The following CCDC7 variants were observed in gnomAD, a reference collection of about 807,000 sequenced individuals.
CCDC7 encodes coiled-coil domain containing 7, also known as coiled-coil domain-containing protein 7.
Under a neutral mutation model 196.9 loss-of-function variants are expected in CCDC7, and 183 were observed. That is an observed-to-expected ratio of 0.93 (90% confidence interval 0.82 to 1.05). The LOEUF is 1.05. Ranked by LOEUF, CCDC7 falls within the 50% of genes least tolerant of loss-of-function variation. The pLI, the probability that CCDC7 is intolerant of heterozygous loss-of-function variation, is 0.00. For missense variants in CCDC7, 1,540 were observed against 1,482.2 expected (o/e 1.04, Z -0.64); for synonymous variants, 525 against 484.6 (o/e 1.08, Z -1.10).
chr10:32,692,862 G>T (rs2077247029), intron 23 of CCDC7, among the ~76,000 whole-genome samples: 1 of 152,122 alleles, frequency 6.6e-6, no homozygotes, highest in African/African-American at 2.4e-5. Context: ...ATGGGATGGG[G>T]TTGTCTCATG....
exon 24 of CCDC7, chr10:32,694,975 G>A (rs779447340): frequency 6.3e-7 from 1 of 1,587,722 alleles, no homozygotes; most frequent in Non-Finnish European, 8.6e-7. Flanking sequence ...AAACTTCCTA[G>A]AGAGAAAAGA....
At chr10:32,489,918 G>T (rs2041889829) in intron 8 of CCDC7, among the ~76,000 whole-genome samples, 2 of 151,998 alleles carry the variant, frequency 1.3e-5, no homozygotes, top group South Asian at 4.2e-4. Flanking sequence ...TCCTGGGTTG[G>T]CACAACAGTG....
At chr10:32,535,455 T>C (rs960228888) in intron 11 of CCDC7, among the ~76,000 whole-genome samples, 2 of 152,136 alleles carry the variant, frequency 1.3e-5, no homozygotes, top group Non-Finnish European at 2.9e-5. Context: ...GAAGTATACA[T>C]TGGTTTCGTC....
At chr10:32,750,134 AAAT>A (rs1158516465) in intron 28 of CCDC7, among the ~76,000 whole-genome samples, 1 of 152,184 alleles carries the variant, frequency 6.6e-6, no homozygotes, top group Non-Finnish European at 1.5e-5. Context: ...TTTTAAGAAT[AAAT>A]AATTCTCTAA....
At chr10:32,543,137 C>A (rs986710342) in intron 11 of CCDC7, among the ~76,000 whole-genome samples, 163 bp from the exon 13 acceptor site, 2 of 152,120 alleles carry the variant, frequency 1.3e-5, no homozygotes, top group African/African-American at 4.8e-5. Context: ...TACAAACAGA[C>A]CAGATGTGTC....
At chr10:32,798,351 C>G (rs1406647280) in intron 29 of CCDC7, among the ~76,000 whole-genome samples, 1 of 152,224 alleles carries the variant, frequency 6.6e-6, no homozygotes, top group Non-Finnish European at 1.5e-5. Context: ...GTCCACATTG[C>G]TGAGCCCATG....
In CCDC7 at chr10:32,544,266, G is replaced by C. The variant is rs368851779; in HGVS notation, c.1099G>C (p.Glu367Gln). The C allele has an allele frequency of 2.0e-4, 317 of 1,607,096 alleles. No homozygotes were observed. Among genetic ancestry groups the C allele is most frequent in the Non-Finnish European group, 2.6e-4 (301 of 1,176,602 alleles). ...TTACAGGAAGATGTCTCCAGAAAAA[G>C]AGTTTAAAATAAAAGAAGATTTGGA... The change falls in exon 13 of 42, where the codon GAG (glutamate) becomes CAG (glutamine). Residue 367 changes from glutamate (E) to glutamine (Q), a missense_variant. Physicochemically the swap from Glu to Gln is conservative, Grantham distance 29. Coordinates refer to ENST00000639629, the Ensembl canonical transcript of CCDC7.
At chr10:32,754,384 A>G (rs1271762399) in intron 28 of CCDC7, among the ~76,000 whole-genome samples, 1 of 152,204 alleles carries the variant, frequency 6.6e-6, no homozygotes, top group Non-Finnish European at 1.5e-5. Context: ...TAATGACTAA[A>G]GAAATGTTGA....
In CCDC7 at chr10:32,760,328, A is replaced by T. The variant is rs952335204; in HGVS notation, c.2906-18649A>T. On this transcript the variant is annotated intron_variant, in intron 28 of 41. Transcript: ENST00000639629. ...TATTGTGGCACTATTCACAATAGCA[A>T]AGACTTGGAACCAACCCAAATGTCC... is the stretch of plus-strand genomic sequence containing the variant. Among the ~76,000 whole-genome samples, 20 of 152,238 alleles carry T rather than the reference A, an allele frequency of 1.3e-4. 2 individuals carry two copies. Among genetic ancestry groups the T allele is most frequent in the Admixed American group, 4.6e-4 (7 of 15,276 alleles).
At chr10:32,784,030 T>G (rs1271844393) in intron 29 of CCDC7, among the ~76,000 whole-genome samples, 1 of 152,158 alleles carries the variant, frequency 6.6e-6, no homozygotes, top group Non-Finnish European at 1.5e-5. Context: ...GAGTTTGAGT[T>G]TAGAAAGGTG....
intron 31 of CCDC7, among the ~76,000 whole-genome samples, chr10:32,821,570 C>T (rs1367823116): frequency 6.6e-6 from 1 of 152,104 alleles, no homozygotes; most frequent in Non-Finnish European, 1.5e-5. Flanking sequence ...CCCAAATGTC[C>T]AACAATGATA....
chr10:32,631,141 C>CA (rs1406198435), intron 18 of CCDC7, among the ~76,000 whole-genome samples: 3 of 151,768 alleles, frequency 2.0e-5, no homozygotes, highest in South Asian at 4.2e-4. Context: ...TCATTTGAAG[C>CA]AAAAAAAATT....
intron 41 of CCDC7, among the ~76,000 whole-genome samples, chr10:32,861,722 A>C (rs1475144108): frequency 4.6e-5 from 1 of 21,624 alleles, no homozygotes; most frequent in African/African-American, 5.0e-5. Context: ...ACAAATTTAC[A>C]AGAAAAAAAA....
intron 24 of CCDC7, among the ~76,000 whole-genome samples, chr10:32,710,046 A>G (rs1409226957): frequency 1.3e-5 from 2 of 152,200 alleles, no homozygotes; most frequent in Non-Finnish European, 2.9e-5. Flanking sequence ...CAGTTGAAAA[A>G]GAAGGGCTTG....
exon 28 of CCDC7, chr10:32,729,434 A>G (rs1485237322): frequency 1.5e-6 from 2 of 1,316,722 alleles, no homozygotes; most frequent in Non-Finnish European, 2.1e-6. Flanking sequence ...AAGAAACTTC[A>G]AGCTAAAGTA....
At chr10:32,530,975 G>C (rs1369534981) in intron 11 of CCDC7, among the ~76,000 whole-genome samples, 1 of 152,084 alleles carries the variant, frequency 6.6e-6, no homozygotes, top group Non-Finnish European at 1.5e-5. Flanking sequence ...AAAGGATGTT[G>C]AAGTTTATCA....
At chr10:32,449,929 A>C (rs189569145), upstream of CCDC7, among the ~76,000 whole-genome samples, 2 of 152,136 alleles carry the variant, frequency 1.3e-5, no homozygotes, top group African/African-American at 4.8e-5. Flanking sequence ...TCAGACACCA[A>C]CTCTGCTGGT....
intron 18 of CCDC7, chr10:32,623,634 G>T: frequency 2.2e-6 from 1 of 454,788 alleles, no homozygotes; most frequent in South Asian, 1.6e-5. Context: ...TACTGCTTTA[G>T]TCCATCTGTG....
At chr10:32,702,997 A>C (rs1482873595) in intron 24 of CCDC7, among the ~76,000 whole-genome samples, 1 of 151,956 alleles carries the variant, frequency 6.6e-6, no homozygotes, top group African/African-American at 2.4e-5. Context: ...TTTTAATTGG[A>C]GCTTTTAGCC....
Sources: gnomAD v4.1 joint callset for allele counts (sites outside exome capture counted in the v4.1 genomes callset) on GRCh38, gnomAD v4.1.1 for gene constraint, MANE v1.5 for transcripts, NCBI Gene and HGNC (gene_info 2026-07-23, HGNC 2026-07-21) for gene names.